The following SECISBP2 variants were observed in gnomAD, a reference collection of about 807,000 sequenced individuals.
SECISBP2 encodes the protein SECIS binding protein 2.
Under a neutral mutation model 98.2 loss-of-function variants are expected in SECISBP2, and 96 were observed. That is an observed-to-expected ratio of 0.98 (90% CI 0.83 to 1.16). SECISBP2 has a LOEUF of 1.16. SECISBP2 is among the 50% of genes most tolerant of loss of function. SECISBP2 has a pLI of 0.00. For missense variants in SECISBP2, 1,046 were observed against 1,022.9 expected (o/e 1.02, Z -0.31); for synonymous variants, 407 against 370.2 (o/e 1.10, Z -1.14).
At chr9:89,325,834 C>T in intron 3 of SECISBP2, 63 bp from the exon 4 acceptor site, 1 of 1,606,004 alleles carries the variant, frequency 6.2e-7, no homozygotes, top group Non-Finnish European at 8.5e-7. Flanking sequence ...TAATATTTTG[C>T]TGCTTTAAAC....
chr9:89,345,355 AGCT>A (rs999012264), intron 10 of SECISBP2, among the ~76,000 whole-genome samples: 3 of 152,218 alleles, frequency 2.0e-5, no homozygotes, highest in African/African-American at 7.2e-5. Flanking sequence ...GTGACAGGGA[AGCT>A]GCTGGTTTTC....
In SECISBP2 at chr9:89,321,367, T is replaced by G. The variant is rs552725906; in HGVS notation, c.182+1570T>G. Among the ~76,000 whole-genome samples, 99 of 152,292 alleles carry G rather than the reference T, an allele frequency of 6.5e-4. No individual in the cohort carries two copies. In the South Asian group the frequency reaches 0.012, roughly 18 times the overall value. On this transcript the variant is annotated intron_variant, in intron 2 of 16. Transcript: ENST00000375807. ...GACTCAAGAATGGGCAGTGCTGAAT[T>G]TAAAAATTAGTTTTCTTGGCCGGGT... is the stretch of plus-strand genomic sequence containing the variant.
rs79182354 is a variant in SECISBP2 at position 89,331,865 on chromosome 9, C to T, written c.802-1043C>T. ...CCACAATACTATGTGTGGTGTGATT[C>T]CATTATGGGAATCCGTATAAAAATA... On this transcript the variant is annotated intron_variant, in intron 5 of 16. Transcript: ENST00000375807. Among the ~76,000 whole-genome samples, 191 of 152,080 alleles carry T rather than the reference C, an allele frequency of 1.3e-3. 1 individual carries two copies. Among genetic ancestry groups the T allele is most frequent in the South Asian group, 2.3e-3 (11 of 4,810 alleles).
intron 14 of SECISBP2, chr9:89,354,868 A>G: frequency 2.0e-6 from 2 of 985,400 alleles, no homozygotes; most frequent in Non-Finnish European, 2.4e-6. Flanking sequence ...GGGACTTCAT[A>G]TGTCTCCCCT....
intron 6 of SECISBP2, among the ~76,000 whole-genome samples, chr9:89,333,703 C>T (rs538601462): frequency 6.2e-4 from 95 of 152,358 alleles, no homozygotes; most frequent in African/African-American, 2.2e-3. Context: ...AAGGACTGCT[C>T]ATCTGTCCTG....
Position 89,359,354 on chromosome 9 carries a change from A to AAAAG in SECISBP2, c.*532_*535dup, listed in dbSNP as rs1832575969. 6.4e-6 allele frequency: 1 copy of AAAAG among 157,224 alleles called. No homozygotes were observed. Among genetic ancestry groups the AAAAG allele is most frequent in the Non-Finnish European group, 1.4e-5 (1 of 70,740 alleles). The allele number at this position is 157,224 out of a possible 1,614,324, so 9.7% of individuals were successfully genotyped here. On this transcript the variant is annotated 3_prime_UTR_variant, in exon 17 of 17. Coordinates refer to ENST00000375807, the MANE Select transcript of SECISBP2 (RefSeq NM_024077.5). ...CTTTCTCAGGGGATGTAGCTTTTTT[A>AAAAG]AAAGATTTGGGAACACTTGGAGGAT...
chr9:89,343,969 G>T (rs573904478), intron 10 of SECISBP2, among the ~76,000 whole-genome samples: 1 of 152,172 alleles, frequency 6.6e-6, no homozygotes, highest in Non-Finnish European at 1.5e-5. Context: ...GTGTATAAGC[G>T]ATTCTTTTTC....
In SECISBP2 at chr9:89,348,094, C is replaced by T. The variant is rs775069569; in HGVS notation, c.1618C>T (p.Arg540Trp). 12 of 1,613,072 alleles carry T rather than the reference C, an allele frequency of 7.4e-6. No homozygotes were observed. Among genetic ancestry groups the T allele is most frequent in the African/African-American group, 1.3e-5 (1 of 74,878 alleles). The change falls in exon 12 of 17, where the codon CGG becomes TGG. Residue 540 changes from arginine to tryptophan, a missense_variant. Arg to Trp is a moderately radical substitution (Grantham distance 101). Transcript: ENST00000375807. ...TSLKKIILKE[R>W]QERKQRLQEN... ...AATTTTTAAGATTATTTTGAAAGAA[C>T]GGCAAGAGAGAAAGCAGCGTCTCCA...
chr9:89,336,703 G>A (rs969139156), intron 7 of SECISBP2, among the ~76,000 whole-genome samples: 1 of 148,426 alleles, frequency 6.7e-6, no homozygotes, highest in Non-Finnish European at 1.5e-5. Flanking sequence ...GAAGCCTCCT[G>A]CCTGTCTCTG....
In SECISBP2 at chr9:89,358,838, T is replaced by C; in HGVS notation, c.*14T>C. 1 of 1,565,194 alleles carries C rather than the reference T, an allele frequency of 6.4e-7. No individual in the cohort carries two copies. The highest frequency in any genetic ancestry group is 8.8e-7 in the Non-Finnish European group (1 of 1,136,142). On this transcript the variant is annotated 3_prime_UTR_variant, in exon 17 of 17. Transcript: ENST00000375807. ...TTGAATTTATGAGAGTTCTTGCCTG[T>C]GTGTCTGTATTTTGGGTAAGGAGGG...
At chr9:89,363,915 C>T, downstream of SECISBP2, 1 of 1,614,112 alleles carries the variant, frequency 6.2e-7, no homozygotes, top group East Asian at 2.2e-5. Context: ...AGAGCTCGCC[C>T]ATTCTTCTCC....
chr9:89,343,194 T>C (rs1381082629), intron 10 of SECISBP2, among the ~76,000 whole-genome samples: 1 of 152,208 alleles, frequency 6.6e-6, no homozygotes, highest in East Asian at 1.9e-4. Flanking sequence ...CTGACACATC[T>C]TCTCTTAAGA....
At chr9:89,363,860 CTGCCATCGGGCAGTGCATGGGTCT>C (rs1270606074), downstream of SECISBP2, 2 of 1,614,128 alleles carry the variant, frequency 1.2e-6, no homozygotes, top group South Asian at 1.1e-5. Flanking sequence ...TGCATGGGCC[CTGCCATCGGGCAGTGCATGGGTCT>C]GCACAGGGAC....
rs1335722996 is a variant in SECISBP2 at position 89,350,758 on chromosome 9, T to G, written c.2019T>G (p.Leu673=). 6.2e-7 allele frequency: 1 copy of G among 1,614,204 alleles called. No individual in the cohort carries two copies. The highest frequency in any genetic ancestry group is 8.5e-7 in the Non-Finnish European group (1 of 1,180,036). The change falls in exon 14 of 17, where the codon CTT becomes CTG. Residue 673 remains leucine (L), a synonymous_variant. Transcript: ENST00000375807. The part of the protein sequence containing the change: ...DPVKAKTKRR[L]VLGLREVLKH... ...TCAAGGCCAAGACTAAACGTCGACT[T>G]GTGTTGGGGTTGAGGGAGGTTCTCA...
rs974290666 is a variant in SECISBP2 at position 89,318,802 on chromosome 9, C to T, written c.36+190C>T. On this transcript the variant is annotated intron_variant, in intron 1 of 16. Coordinates refer to ENST00000375807, the MANE Select transcript of SECISBP2 (RefSeq NM_024077.5). Reference sequence around the variant, plus strand: ...GGGTCCGCCTTGGGGTGGCGGTCAGCGGCTACAGACCCCGCCCACAGTTAG... The same window carrying T: ...GGGTCCGCCTTGGGGTGGCGGTCAGTGGCTACAGACCCCGCCCACAGTTAG... 9 of 1,258,438 alleles carry T rather than the reference C, an allele frequency of 7.2e-6. No individual in the cohort carries two copies. In the South Asian group the frequency reaches 9.4e-5, roughly 13 times the overall value. The allele number at this position is 1,258,438 out of a possible 1,614,324, so 78.0% of individuals were successfully genotyped here. A position where few individuals can be genotyped will look rare whatever the true frequency, so the allele number is the denominator to read the frequency against.
In SECISBP2 at chr9:89,346,880, A is replaced by C; in HGVS notation, c.1436-2A>C. On this transcript the variant is annotated splice_acceptor_variant, in intron 10 of 16. Coordinates refer to ENST00000375807, the MANE Select transcript of SECISBP2 (RefSeq NM_024077.5). LOFTEE classifies it high-confidence loss of function. The stretch of plus-strand genomic sequence containing the variant: ...TGAGGGCTTTGTCCCACTGCGTTTC[A>C]GTTGGAGCAGTGCCAGTCCTTTCCA... 6.2e-7 allele frequency: 1 copy of C among 1,614,100 alleles called. No individual in the cohort carries two copies. The highest frequency in any genetic ancestry group is 8.5e-7 in the Non-Finnish European group (1 of 1,179,990).
intron 4 of SECISBP2, among the ~76,000 whole-genome samples, chr9:89,327,495 T>C (rs1041505423): frequency 3.3e-5 from 5 of 152,228 alleles, no homozygotes; most frequent in Non-Finnish European, 5.9e-5. Flanking sequence ...CCAAAAATAC[T>C]TGGCTTGGAC....
downstream of SECISBP2, chr9:89,364,241 C>T: frequency 2.0e-6 from 1 of 504,348 alleles, no homozygotes; most frequent in Non-Finnish European, 3.5e-6. Context: ...CAGCGCTGTG[C>T]TGGTTTCTTA....
chr9:89,358,295 T>A (rs763010331), intron 16 of SECISBP2, 104 bp downstream of exon 16: 1 of 1,200,268 alleles, frequency 8.3e-7, no homozygotes, highest in African/African-American at 1.5e-5. Flanking sequence ...CAAGACCAGC[T>A]GAGTAGCAGG....
Sources: gnomAD v4.1 joint callset for allele counts (sites outside exome capture counted in the v4.1 genomes callset) on GRCh38, gnomAD v4.1.1 for gene constraint, MANE v1.5 for transcripts, NCBI Gene and HGNC (gene_info 2026-07-23, HGNC 2026-07-21) for gene names.